SMOC1: variants seen among roughly 807,000 people sequenced by gnomAD.
SMOC1 encodes SPARC-related modular calcium-binding protein 1.
Under a neutral mutation model 56.3 loss-of-function variants are expected in SMOC1, and 22 were observed. The observed-to-expected ratio is 0.39, with a 90% CI of 0.28 to 0.56. The LOEUF (loss-of-function observed/expected upper bound fraction) is 0.56, where lower values mean the gene tolerates loss of function less well. Ranked by LOEUF, SMOC1 falls within the 20% of genes least tolerant of loss-of-function variation. The pLI is 0.61. For missense variants in SMOC1, 509 were observed against 565.4 expected (o/e 0.90, Z 1.01); for synonymous variants, 193 against 215.0 (o/e 0.90, Z 0.89).
rs963384104 is a variant in SMOC1, at chr14:70,010,616, T to C, written c.665-138T>C. 39 of 879,286 alleles carry C rather than the reference T, an allele frequency of 4.4e-5. No homozygotes were observed. The Admixed American group carries it at 7.7e-4, about 17-fold the overall frequency. The allele number at this position is 879,286 out of a possible 1,614,324, so 54.5% of individuals were successfully genotyped here. ...TGGCATGGGAGACAGCTCTCTGTGGTAATTCATCAATGGGGCAGCTCATCA... is the reference window on the plus strand; with the variant it reads ...TGGCATGGGAGACAGCTCTCTGTGGCAATTCATCAATGGGGCAGCTCATCA... On this transcript the variant is annotated intron_variant, in intron 7 of 11. Transcript: ENST00000361956.
intron 1 of SMOC1, among the ~76,000 whole-genome samples, chr14:69,899,020 G>A (rs139217283): frequency 1.0e-3 from 158 of 152,196 alleles, no homozygotes; most frequent in African/African-American, 3.1e-3. Flanking sequence ...TGTGAACTTC[G>A]TAAGTGCTTC....
At chr14:70,026,303 C>T (rs1389062880) in intron 11 of SMOC1, among the ~76,000 whole-genome samples, 1 of 152,220 alleles carries the variant, frequency 6.6e-6, no homozygotes, top group Non-Finnish European at 1.5e-5. Context: ...CTGCCCCTGC[C>T]TTCGGCCCCC....
chr14:70,018,319 C>T (rs1885591896), intron 10 of SMOC1, among the ~76,000 whole-genome samples: 1 of 152,130 alleles, frequency 6.6e-6, no homozygotes, highest in Non-Finnish European at 1.5e-5. Context: ...AATAGGATTT[C>T]AAGACTTGCT....
intron 3 of SMOC1, among the ~76,000 whole-genome samples, chr14:69,960,472 C>A (rs889454029): frequency 1.3e-5 from 2 of 152,098 alleles, no homozygotes; most frequent in Admixed American, 6.5e-5. Flanking sequence ...GTGGACAATG[C>A]CAGCTTTTTT....
At chr14:70,003,707 G>A (rs1566706896) in intron 7 of SMOC1, among the ~76,000 whole-genome samples, 3 of 152,204 alleles carry the variant, frequency 2.0e-5, no homozygotes, top group Admixed American at 6.5e-5. Context: ...TCAGGGTACC[G>A]AGGACAAGGG....
intron 1 of SMOC1, among the ~76,000 whole-genome samples, chr14:69,937,341 T>C (rs1885321853): frequency 6.6e-6 from 1 of 152,226 alleles, no homozygotes; most frequent in African/African-American, 2.4e-5. Flanking sequence ...ATCCTCGTAG[T>C]CAAATACAGG....
At chr14:69,905,936 C>G (rs1177315526) in intron 1 of SMOC1, among the ~76,000 whole-genome samples, 1 of 152,186 alleles carries the variant, frequency 6.6e-6, no homozygotes, top group Non-Finnish European at 1.5e-5. Context: ...TGTGCATATT[C>G]TAAATCAGAT....
At chr14:69,906,690 C>A (rs1884417175) in intron 1 of SMOC1, among the ~76,000 whole-genome samples, 1 of 152,142 alleles carries the variant, frequency 6.6e-6, no homozygotes, top group Non-Finnish European at 1.5e-5. Flanking sequence ...AAGTTGGAAG[C>A]CAACTGAGAG....
At chr14:69,956,257 C>T (rs751036367) in intron 3 of SMOC1, among the ~76,000 whole-genome samples, 2 of 152,210 alleles carry the variant, frequency 1.3e-5, no homozygotes, top group African/African-American at 2.4e-5. Flanking sequence ...GGCAGCCAGA[C>T]GGCCAGACAG....
chr14:69,921,113 G>A (rs1003187626), intron 1 of SMOC1, among the ~76,000 whole-genome samples: 6 of 152,266 alleles, frequency 3.9e-5, no homozygotes, highest in East Asian at 1.9e-4. Flanking sequence ...ACCTTCTCTC[G>A]CACAGACTTC....
At chr14:70,019,303 A>G (rs1188693681) in intron 10 of SMOC1, among the ~76,000 whole-genome samples, 1 of 152,176 alleles carries the variant, frequency 6.6e-6, no homozygotes, top group East Asian at 1.9e-4. Flanking sequence ...TGTTGTCTGA[A>G]CCATAGTCTT....
intron 1 of SMOC1, among the ~76,000 whole-genome samples, chr14:69,895,638 C>T (rs376022648): frequency 1.2e-4 from 19 of 152,176 alleles, no homozygotes; most frequent in African/African-American, 4.1e-4. Context: ...TTCGGAAAAC[C>T]TTCGGGAAGA....
At chr14:69,974,186 AG>A (rs1396675967) in intron 3 of SMOC1, among the ~76,000 whole-genome samples, 1 of 152,072 alleles carries the variant, frequency 6.6e-6, no homozygotes, top group African/African-American at 2.4e-5. Context: ...CGATCTTGAG[AG>A]GGGGGAGTGG....
chr14:69,920,118 C>A (rs762012687), intron 1 of SMOC1, among the ~76,000 whole-genome samples: 2 of 152,156 alleles, frequency 1.3e-5, no homozygotes, highest in Non-Finnish European at 2.9e-5. Context: ...CTATCAGGAA[C>A]TGGATCTTCA....
At chr14:69,885,570 C>T (rs1004044455) in intron 1 of SMOC1, 6 of 1,590,760 alleles carry the variant, frequency 3.8e-6, no homozygotes, top group Admixed American at 3.4e-5. Flanking sequence ...ACTAGACGTC[C>T]CAGTCTTGCC....
chr14:70,007,287 T>C (rs1229722371), intron 7 of SMOC1, among the ~76,000 whole-genome samples: 1 of 152,232 alleles, frequency 6.6e-6, no homozygotes, highest in Admixed American at 6.5e-5. Context: ...AGTGAGTTAA[T>C]ACACATAGTG....
At chr14:69,988,754 A>G (rs1428593620) in intron 5 of SMOC1, among the ~76,000 whole-genome samples, 2 of 152,184 alleles carry the variant, frequency 1.3e-5, no homozygotes, top group African/African-American at 2.4e-5. Context: ...TTCTGTGTCT[A>G]TAGATGTAGC....
intron 1 of SMOC1, among the ~76,000 whole-genome samples, chr14:69,925,974 G>A (rs766495697): frequency 1.6e-4 from 25 of 151,928 alleles, no homozygotes; most frequent in Non-Finnish European, 3.1e-4. Context: ...CCACTCTCCC[G>A]CAGAGACTTA....
Position 69,947,023 on chromosome 14 carries a change from T to C in SMOC1, c.100-5115T>C, listed in dbSNP as rs371866679. Among the ~76,000 whole-genome samples, 177 of 152,322 alleles carry C rather than the reference T, an allele frequency of 1.2e-3. 2 individuals carry two copies. In the South Asian group the frequency reaches 0.036, roughly 31 times the overall value. ...GCAAATGCCAGTGTTATGCTTCCTGTACAGCCTACAGAACCATGAGCAATT... is the reference window on the plus strand; with the variant it reads ...GCAAATGCCAGTGTTATGCTTCCTGCACAGCCTACAGAACCATGAGCAATT... On this transcript the variant is annotated intron_variant, in intron 1 of 11. Transcript: ENST00000361956.
Sources: gnomAD v4.1 joint callset for allele counts (sites outside exome capture counted in the v4.1 genomes callset) on GRCh38, gnomAD v4.1.1 for gene constraint, MANE v1.5 for transcripts, NCBI Gene and HGNC (gene_info 2026-07-23, HGNC 2026-07-21) for gene names.